ATXN2: variants seen among roughly 807,000 people sequenced by gnomAD.
ATXN2 encodes ataxin-2.
A neutral mutation model predicts 138.6 loss-of-function variants in ATXN2; 37 were observed. That is an observed-to-expected ratio of 0.27 (90% CI 0.21 to 0.35). The LOEUF (loss-of-function observed/expected upper bound fraction) is 0.35. ATXN2 is among the 10% of genes least tolerant of loss of function. The pLI is 1.00. For synonymous variants in ATXN2, 549 were observed against 543.7 expected, an observed-to-expected ratio of 1.01 and a Z score of -0.13; for missense variants, 1,216 against 1,480.3, an observed-to-expected ratio of 0.82 and a Z score of 2.93.
At chr12:111,456,284 G>T in intron 22 of ATXN2, 28 bp from the exon 23 acceptor site, 1 of 1,611,196 alleles carries the variant, frequency 6.2e-7, no homozygotes, top group South Asian at 1.1e-5. Context: ...AGAATTGAGA[G>T]GAAAACTTCT....
intron 14 of ATXN2, among the ~76,000 whole-genome samples, chr12:111,503,179 A>G (rs756552464): frequency 6.6e-6 from 1 of 152,244 alleles, no homozygotes; most frequent in Non-Finnish European, 1.5e-5. Context: ...AGGACTACAG[A>G]TATTTGTGAA....
chr12:111,599,616 C>G (rs949448415), upstream of ATXN2: 19 of 1,073,252 alleles, frequency 1.8e-5, no homozygotes, highest in East Asian at 7.4e-4. Context: ...CGTGAGGTGG[C>G]CCCGGGGCCG....
intron 16 of ATXN2, 68 bp from the exon 17 acceptor site, chr12:111,485,933 G>A (rs976932776): frequency 4.0e-5 from 58 of 1,461,350 alleles, no homozygotes; most frequent in Non-Finnish European, 4.9e-5. Context: ...ATTTAAAGAC[G>A]GATTTTCCCA....
chr12:111,472,868 C>A (rs1592804663), intron 18 of ATXN2, among the ~76,000 whole-genome samples: 1 of 152,158 alleles, frequency 6.6e-6, no homozygotes, highest in East Asian at 1.9e-4. Context: ...GCCACTGCAT[C>A]CAGCCAAGGA....
chr12:111,573,126 G>A (rs1883432901), intron 1 of ATXN2, among the ~76,000 whole-genome samples: 1 of 151,224 alleles, frequency 6.6e-6, no homozygotes, highest in African/African-American at 2.4e-5. Flanking sequence ...ATGGTTGATT[G>A]AAGAAATTTT....
chr12:111,598,816 CGCCGCGACCACCGAGGAGGGA>C lies in ATXN2; in HGVS notation c.198_218del (p.Pro67_Ala73del), dbSNP rs1468005814. ...GGCCGGGCCTCCCGCCGCCGGAGGT[CGCCGCGACCACCGAGGAGGGA>C]GCCGTGGCCGAGGACGAGGAGACCG... is the stretch of plus-strand genomic sequence containing the variant. On this transcript the variant is annotated inframe_deletion, in exon 1 of 25. Transcript: ENST00000673436. This position sits in a 1 kb window ranked among gnomAD's most constrained non-coding sequence, Gnocchi z 4.5. 1.4e-6 allele frequency: 2 copies of C among 1,411,882 alleles called. No homozygotes were observed. The highest frequency in any genetic ancestry group is 1.8e-6 in the Non-Finnish European group (2 of 1,091,556). 87.5% of individuals were successfully genotyped at this position (1,411,882 alleles called of 1,614,324 possible).
rs1431958567 is a variant in ATXN2, at chr12:111,552,543, C to T, written c.421-113G>A. 1.9e-6 allele frequency: 2 copies of T among 1,063,638 alleles called. No homozygotes were observed. Among genetic ancestry groups the T allele is most frequent in the Non-Finnish European group, 2.6e-6 (2 of 762,414 alleles). The allele number at this position is 1,063,638 out of a possible 1,614,324, so 65.9% of individuals were successfully genotyped here. ...TATATGCCTTTGACAAAAATAATCT[C>T]AAGAGAATCATACCCTTTTTCCCAG... On this transcript the variant is annotated intron_variant, in intron 4 of 24. Coordinates refer to ENST00000673436, the MANE Select transcript of ATXN2 (RefSeq NM_001372574.1). This position sits in a 1 kb window ranked among gnomAD's most constrained non-coding sequence, Gnocchi z 4.1.
chr12:111,481,807 G>A (rs1225314959), intron 18 of ATXN2, among the ~76,000 whole-genome samples: 1 of 151,908 alleles, frequency 6.6e-6, no homozygotes, highest in African/African-American at 2.4e-5. Context: ...GATTATAGGT[G>A]CACGCTACCA....
intron 18 of ATXN2, among the ~76,000 whole-genome samples, chr12:111,482,591 G>A (rs1414932664): frequency 6.6e-6 from 1 of 151,972 alleles, no homozygotes; most frequent in Non-Finnish European, 1.5e-5. Flanking sequence ...TCTTACTACA[G>A]TAACCTTTTA....
chr12:111,540,609 AC>A (rs1416533353), intron 5 of ATXN2, among the ~76,000 whole-genome samples: 1 of 149,760 alleles, frequency 6.7e-6, no homozygotes, highest in African/African-American at 2.4e-5. Flanking sequence ...TCATACATTC[AC>A]TGGTCATTTT....
chr12:111,589,023 A>AAAAAC (rs1884503950), intron 1 of ATXN2, among the ~76,000 whole-genome samples: 1 of 140,516 alleles, frequency 7.1e-6, no homozygotes, highest in African/African-American at 2.9e-5. Context: ...AAAAAAAAAA[A>AAAAAC]ACTAAACCAA....
intron 20 of ATXN2, among the ~76,000 whole-genome samples, chr12:111,467,629 G>C (rs1375747358): frequency 6.6e-6 from 1 of 152,056 alleles, no homozygotes; most frequent in Non-Finnish European, 1.5e-5. Context: ...CTTTTTCCTG[G>C]CATGAAAGAA....
intron 18 of ATXN2, among the ~76,000 whole-genome samples, chr12:111,478,011 G>T (rs930164633): frequency 1.3e-5 from 2 of 150,316 alleles, no homozygotes; most frequent in Non-Finnish European, 3.0e-5. Flanking sequence ...TCCTCAGGCT[G>T]GTCTCAAACT....
chr12:111,546,481 C>A (rs972303143), intron 5 of ATXN2, among the ~76,000 whole-genome samples: 1 of 152,076 alleles, frequency 6.6e-6, no homozygotes, highest in African/African-American at 2.4e-5. Context: ...TACTGATGAG[C>A]AGATTTGCTG....
chr12:111,566,791 C>T (rs1566068512), intron 1 of ATXN2, among the ~76,000 whole-genome samples: 1 of 152,118 alleles, frequency 6.6e-6, no homozygotes, highest in African/African-American at 2.4e-5. Flanking sequence ...CGCCCGCCAC[C>T]ACATCCCCGC....
intron 18 of ATXN2, among the ~76,000 whole-genome samples, chr12:111,484,726 A>G (rs898249425): frequency 6.7e-6 from 1 of 149,954 alleles, no homozygotes; most frequent in Non-Finnish European, 1.5e-5. Context: ...ATAAGCCACC[A>G]TGCCCAGCCA....
In ATXN2 at chr12:111,459,156, G is replaced by C. The variant is rs567348644; in HGVS notation, c.2897-1797C>G. Among the ~76,000 whole-genome samples, 11 of 152,312 alleles carry C rather than the reference G, an allele frequency of 7.2e-5. No homozygotes were observed. In the South Asian group the frequency reaches 2.3e-3, roughly 32 times the overall value. The stretch of plus-strand genomic sequence containing the variant: ...TTAACAAGAAAACTGTGGCAACATA[G>C]TCTCTGAATGTTTTTAAGAGTAGTG... On this transcript the variant is annotated intron_variant, in intron 21 of 24. Transcript: ENST00000673436.
At chr12:111,522,543 G>C (rs1008376808) in intron 6 of ATXN2, among the ~76,000 whole-genome samples, 5 of 151,760 alleles carry the variant, frequency 3.3e-5, no homozygotes, top group African/African-American at 1.2e-4. Flanking sequence ...CCGGGAGGCA[G>C]AGCTTGCAGT....
chr12:111,477,789 G>C (rs543191218), intron 18 of ATXN2, among the ~76,000 whole-genome samples: 1 of 151,926 alleles, frequency 6.6e-6, no homozygotes, highest in Non-Finnish European at 1.5e-5. Context: ...ACAGGGTCTG[G>C]CTCTATTGCC....
Sources: allele counts gnomAD v4.1 joint callset (sites outside exome capture counted in the v4.1 genomes callset), GRCh38; gene constraint gnomAD v4.1.1; non-coding constraint Gnocchi (gnomAD v3.1); transcripts MANE v1.5; gene names NCBI Gene and HGNC (gene_info 2026-07-23, HGNC 2026-07-21).